MEGF9: variants seen among roughly 807,000 people sequenced by gnomAD.
MEGF9 encodes multiple EGF like domains 9.
A neutral mutation model predicts 46.8 loss-of-function variants in MEGF9; 6 were observed. The ratio of observed to expected loss-of-function variants is 0.13; its 90% CI spans 0.07 to 0.25. The LOEUF is 0.25. Among genes scored for constraint, MEGF9 ranks in the 10% least tolerant of loss-of-function variants. The pLI, the probability that MEGF9 is intolerant of heterozygous loss-of-function variation, is 1.00. For missense variants in MEGF9, 683 were observed against 792.4 expected (o/e 0.86, Z 1.66); for synonymous variants, 302 against 330.7 (o/e 0.91, Z 0.94).
At chr9:120,706,741 G>T (rs2043930954) in intron 1 of MEGF9, among the ~76,000 whole-genome samples, 1 of 152,098 alleles carries the variant, frequency 6.6e-6, no homozygotes, top group Non-Finnish European at 1.5e-5. Context: ...AGATTGAGGT[G>T]AGAGAATCAT....
At position 120,714,208 on chromosome 9, in the gene MEGF9, C is replaced by T. The variant is rs1174092295; in HGVS notation, c.151G>A (p.Val51Met). Residue 51 changes from valine (V) to methionine (M), a missense_variant, in exon 1 of 6, where the codon GTG becomes ATG. Transcript: ENST00000373930. ...AACCCGGGGCCCGGCGACGCGTCCA[C>T]CTGCCCCGCGGCCCCGCCGCCACCG... Reference protein sequence around the residue: ...VTGGGGAAGQVDASPGPGLRG... With the variant: ...VTGGGGAAGQMDASPGPGLRG... 3.2e-6 allele frequency: 4 copies of T among 1,237,814 alleles called. No individual in the cohort carries two copies. The highest frequency in any genetic ancestry group is 4.0e-6 in the Non-Finnish European group (4 of 993,112). The allele number at this position is 1,237,814 out of a possible 1,614,324, so 76.7% of individuals were successfully genotyped here.
chr9:120,636,855 T>G (rs910227783), intron 2 of MEGF9, among the ~76,000 whole-genome samples: 3 of 148,924 alleles, frequency 2.0e-5, no homozygotes, highest in Non-Finnish European at 3.0e-5. Context: ...GTCTGGGGGG[T>G]GGGGGGGCCC....
At chr9:120,617,546 C>T (rs887529371) in intron 3 of MEGF9, among the ~76,000 whole-genome samples, 3 of 152,136 alleles carry the variant, frequency 2.0e-5, no homozygotes, top group African/African-American at 7.2e-5. Flanking sequence ...AATGTAAAAC[C>T]AGATAGGCCA....
chr9:120,609,574 G>A (rs1410620672), intron 4 of MEGF9, among the ~76,000 whole-genome samples: 1 of 152,130 alleles, frequency 6.6e-6, no homozygotes, highest in African/African-American at 2.4e-5. Flanking sequence ...TGTATCTACT[G>A]AGTAATTTCA....
intron 2 of MEGF9, among the ~76,000 whole-genome samples, chr9:120,647,569 G>T (rs543485386): frequency 6.6e-6 from 1 of 152,148 alleles, no homozygotes; most frequent in South Asian, 2.1e-4. Context: ...TACCATAAAG[G>T]CAATTTAAAC....
intron 1 of MEGF9, among the ~76,000 whole-genome samples, chr9:120,669,016 G>A (rs1232420396): frequency 1.3e-5 from 2 of 152,100 alleles, no homozygotes; most frequent in Non-Finnish European, 1.5e-5. Flanking sequence ...GAGTTTCAGT[G>A]TCTCCATGTA....
At chr9:120,695,663 T>C (rs2043873424) in intron 1 of MEGF9, among the ~76,000 whole-genome samples, 1 of 135,572 alleles carries the variant, frequency 7.4e-6, no homozygotes, top group African/African-American at 2.8e-5. Flanking sequence ...TGTTAGGAAG[T>C]ATAATAGGAG....
At chr9:120,706,678 T>C (rs2043930522) in intron 1 of MEGF9, among the ~76,000 whole-genome samples, 1 of 151,904 alleles carries the variant, frequency 6.6e-6, no homozygotes, top group South Asian at 2.1e-4. Context: ...CTACTAAAAA[T>C]ACAAAAACTA....
intron 1 of MEGF9, among the ~76,000 whole-genome samples, chr9:120,675,304 TG>T (rs1395585340): frequency 3.3e-4 from 51 of 152,314 alleles, no homozygotes; most frequent in African/African-American, 1.2e-3. Flanking sequence ...GGACCTAGTC[TG>T]GCTAGGTGCA....
At chr9:120,631,456 G>C (rs1387992233) in intron 2 of MEGF9, among the ~76,000 whole-genome samples, 1 of 150,296 alleles carries the variant, frequency 6.7e-6, no homozygotes, top group East Asian at 1.9e-4. Flanking sequence ...AGTATTTGAG[G>C]TCCCCTGTGG....
At chr9:120,666,314 T>C (rs1227460852) in intron 1 of MEGF9, among the ~76,000 whole-genome samples, 1 of 152,148 alleles carries the variant, frequency 6.6e-6, no homozygotes, top group African/African-American at 2.4e-5. Flanking sequence ...TATATCATAG[T>C]TTTAGACAGT....
intron 2 of MEGF9, among the ~76,000 whole-genome samples, chr9:120,655,092 TA>T (rs1014347602): frequency 6.6e-6 from 1 of 152,166 alleles, no homozygotes; most frequent in Non-Finnish European, 1.5e-5. Flanking sequence ...GAAAACTTTT[TA>T]AAAATAAATT....
At position 120,682,567 on chromosome 9, in the gene MEGF9, A is replaced by G. The variant is rs534062431; in HGVS notation, c.602-22992T>C. 2.3e-3 allele frequency among the ~76,000 whole-genome samples: 284 copies of G among 123,538 alleles called. 1 individual carries two copies. The highest frequency in any genetic ancestry group is 3.1e-3 in the Non-Finnish European group (177 of 56,602). 81.0% of individuals were successfully genotyped at this position (123,538 alleles called of 152,430 possible). A position where few individuals can be genotyped will look rare whatever the true frequency, so the allele number is the denominator to read the frequency against. On this transcript the variant is annotated intron_variant, in intron 1 of 5. Transcript: ENST00000373930. ...GTAGTTTCACATTCATCCCCAACCA[A>G]TTCTTACACACACACACACACACGC... is the stretch of plus-strand genomic sequence containing the variant.
chr9:120,607,714 T>C, intron 5 of MEGF9, 27 bp downstream of exon 5: 1 of 1,601,894 alleles, frequency 6.2e-7, no homozygotes, highest in Non-Finnish European at 8.5e-7. Flanking sequence ...AGATATTAAA[T>C]TTACAATCAC....
intron 2 of MEGF9, among the ~76,000 whole-genome samples, chr9:120,629,081 T>A (rs1191942073): frequency 4.6e-5 from 7 of 152,130 alleles, no homozygotes; most frequent in Non-Finnish European, 1.0e-4. Flanking sequence ...GCTCAAGATA[T>A]CCTCCCACCT....
intron 1 of MEGF9, among the ~76,000 whole-genome samples, chr9:120,704,949 T>C (rs559305979): frequency 2.0e-5 from 3 of 152,324 alleles, no homozygotes; most frequent in African/African-American, 7.2e-5. Context: ...TATTCATAAA[T>C]AGGAAAATAA....
chr9:120,705,348 C>T (rs867471189), intron 1 of MEGF9, among the ~76,000 whole-genome samples: 6 of 151,210 alleles, frequency 4.0e-5, no homozygotes, highest in East Asian at 1.9e-4. Context: ...TCTAGAAAGA[C>T]GTCTTGGAAG....
intron 1 of MEGF9, among the ~76,000 whole-genome samples, chr9:120,703,385 C>T (rs998677139): frequency 2.0e-5 from 3 of 152,304 alleles, no homozygotes; most frequent in Non-Finnish European, 4.4e-5. Context: ...AGTCTGTAAG[C>T]CTGACAGGCT....
Position 120,642,719 on chromosome 9 carries a change from T to C in MEGF9, c.803+16655A>G, listed in dbSNP as rs535583225. On this transcript the variant is annotated intron_variant, in intron 2 of 5. Transcript: ENST00000373930. ...ACATTCTATTCAATTGCAGAACCCT[T>C]TGAAAATCAATTCAAGGCCAGCAAA... Among the ~76,000 whole-genome samples, 3 of 152,338 alleles carry C rather than the reference T, an allele frequency of 2.0e-5. No individual in the cohort carries two copies. The South Asian group carries it at 6.2e-4, about 32-fold the overall frequency.
Sources: allele counts gnomAD v4.1 joint callset (sites outside exome capture counted in the v4.1 genomes callset), GRCh38; gene constraint gnomAD v4.1.1; transcripts MANE v1.5; gene names NCBI Gene and HGNC (gene_info 2026-07-23, HGNC 2026-07-21).